CADM2: variants seen among roughly 807,000 people sequenced by gnomAD.
The protein encoded by CADM2 is immunoglobulin superfamily member 4D.
CADM2 carries 12 observed loss-of-function variants against 49.8 expected under a neutral mutation model. That is an observed-to-expected ratio of 0.24 (90% CI 0.15 to 0.39). CADM2 has a LOEUF of 0.39. CADM2 is among the 10% of genes least tolerant of loss of function. The pLI is 1.00. For missense variants in CADM2, 378 were observed against 492.3 expected, an observed-to-expected ratio of 0.77 and a Z score of 2.20; for synonymous variants, 214 against 175.4, an observed-to-expected ratio of 1.22 and a Z score of -1.74.
At chr3:85,462,726 A>G (rs565678075) in intron 1 of CADM2, among the ~76,000 whole-genome samples, 1 of 152,160 alleles carries the variant, frequency 6.6e-6, no homozygotes, top group Non-Finnish European at 1.5e-5. Context: ...CTAAAATACT[A>G]TTTACAATTA....
At chr3:85,526,133 T>C (rs1326257904) in intron 1 of CADM2, among the ~76,000 whole-genome samples, 2 of 136,412 alleles carry the variant, frequency 1.5e-5, no homozygotes, top group Admixed American at 8.2e-5. Flanking sequence ...TTGAAAATTC[T>C]CTCAATATAG....
At chr3:85,319,598 G>A (rs1309387995) in intron 1 of CADM2, among the ~76,000 whole-genome samples, 1 of 151,206 alleles carries the variant, frequency 6.6e-6, no homozygotes, top group Admixed American at 6.6e-5. Context: ...ATAAACCATG[G>A]AATACTATGC....
chr3:85,926,881 A>T (rs1453119412), intron 6 of CADM2, among the ~76,000 whole-genome samples: 1 of 152,176 alleles, frequency 6.6e-6, no homozygotes, highest in Non-Finnish European at 1.5e-5. Flanking sequence ...ATTCTGATGA[A>T]TTTAACAGAA....
At chr3:84,963,740 A>T (rs2030747703) in intron 1 of CADM2, among the ~76,000 whole-genome samples, 1 of 152,196 alleles carries the variant, frequency 6.6e-6, no homozygotes, top group Admixed American at 6.5e-5. Context: ...CATTTTTAGA[A>T]AGCACATTAT....
At chr3:85,834,586 A>C (rs1393457865) in intron 3 of CADM2, among the ~76,000 whole-genome samples, 1 of 151,634 alleles carries the variant, frequency 6.6e-6, no homozygotes, top group Non-Finnish European at 1.5e-5. Context: ...TAATGATATA[A>C]ACACTTGTTA....
At position 85,802,245 on chromosome 3, in the gene CADM2, A is replaced by C. The variant is rs1319710220; in HGVS notation, c.238+49A>C. ...TTTTAATCGTATTCTAAAATATCCTAATTACAATAAATTTATTTTTCTGAG... is the reference window on the plus strand; with the variant it reads ...TTTTAATCGTATTCTAAAATATCCTCATTACAATAAATTTATTTTTCTGAG... On this transcript the variant is annotated intron_variant, in intron 3 of 9. Coordinates refer to ENST00000383699, the MANE Select transcript of CADM2 (RefSeq NM_001167675.2). The C allele has an allele frequency of 2.7e-6, 4 of 1,463,484 alleles. No individual in the cohort carries two copies. The African/African-American group carries it at 5.7e-5, about 21-fold the overall frequency. 90.7% of individuals were successfully genotyped at this position (1,463,484 alleles called of 1,614,324 possible).
chr3:85,850,134 T>C (rs2075038381), intron 3 of CADM2, among the ~76,000 whole-genome samples: 1 of 152,008 alleles, frequency 6.6e-6, no homozygotes, highest in Admixed American at 6.6e-5. Context: ...TGTAAATAAA[T>C]AAGGTTGCTT....
In CADM2 at chr3:85,426,582, AG is replaced by A. The variant is rs1221783963; in HGVS notation, c.62-299939del. Among the ~76,000 whole-genome samples, 20 of 152,286 alleles carry A rather than the reference AG, an allele frequency of 1.3e-4. No homozygotes were observed. In the Middle Eastern group the frequency reaches 0.01, roughly 78 times the overall value. ...GTAATAAAAAATAATCACATAATGG[AG>A]AATAGGGTATCCATCCCCTCAAGCA... On this transcript the variant is annotated intron_variant, in intron 1 of 9. Transcript: ENST00000383699.
intron 1 of CADM2, among the ~76,000 whole-genome samples, chr3:85,638,237 C>A (rs1366960767): frequency 1.3e-5 from 2 of 151,996 alleles, no homozygotes; most frequent in Admixed American, 1.3e-4. Flanking sequence ...ATTTAAACAT[C>A]TATATGAAAT....
chr3:85,257,740 A>T (rs1329043921), intron 1 of CADM2, among the ~76,000 whole-genome samples: 1 of 152,100 alleles, frequency 6.6e-6, no homozygotes, highest in African/African-American at 2.4e-5. Context: ...TATCTCAAGG[A>T]TGTGAATTCA....
At chr3:86,027,016 A>C (rs568138219) in intron 8 of CADM2, among the ~76,000 whole-genome samples, 166 of 152,288 alleles carry the variant, frequency 1.1e-3, no homozygotes, top group Non-Finnish European at 2.0e-3. Context: ...TTAGATTTAT[A>C]ATACTCAAGA....
chr3:85,652,250 T>A (rs1243213173), intron 1 of CADM2, among the ~76,000 whole-genome samples: 1 of 152,144 alleles, frequency 6.6e-6, no homozygotes. Flanking sequence ...AAAAATGATA[T>A]TAATTGGTTG....
At chr3:85,745,281 A>G (rs1428642395) in intron 2 of CADM2, among the ~76,000 whole-genome samples, 2 of 152,190 alleles carry the variant, frequency 1.3e-5, no homozygotes, top group Non-Finnish European at 2.9e-5. Flanking sequence ...AAAAATCTCC[A>G]TGCTTTTAAA....
chr3:85,642,770 A>G (rs946970786), intron 1 of CADM2, among the ~76,000 whole-genome samples: 8 of 152,328 alleles, frequency 5.3e-5, no homozygotes, highest in Non-Finnish European at 1.2e-4. Flanking sequence ...CAGTCAAGCA[A>G]GTTTCAAGTT....
intron 1 of CADM2, among the ~76,000 whole-genome samples, chr3:85,590,505 A>C (rs1432405588): frequency 6.6e-6 from 1 of 152,002 alleles, no homozygotes; most frequent in African/African-American, 2.4e-5. Context: ...GAAGACTTGA[A>C]AGCAAGACTG....
At chr3:85,310,514 G>T (rs2044317338) in intron 1 of CADM2, among the ~76,000 whole-genome samples, 2 of 152,104 alleles carry the variant, frequency 1.3e-5, no homozygotes, top group Non-Finnish European at 2.9e-5. Flanking sequence ...TGCAACCAGG[G>T]TCATGTTCAA....
intron 1 of CADM2, among the ~76,000 whole-genome samples, chr3:85,654,883 T>A (rs1393055944): frequency 6.6e-6 from 1 of 152,164 alleles, no homozygotes; most frequent in Admixed American, 6.5e-5. Flanking sequence ...TGTTAATTGA[T>A]TGATAGCTTT....
chr3:86,061,006 A>T (rs1738573497), intron 8 of CADM2, among the ~76,000 whole-genome samples: 1 of 151,254 alleles, frequency 6.6e-6, no homozygotes, highest in Non-Finnish European at 1.5e-5. Flanking sequence ...TAATAATAAT[A>T]ATAACAGCTT....
chr3:86,050,780 G>A (rs1324821960), intron 8 of CADM2, among the ~76,000 whole-genome samples: 1 of 152,158 alleles, frequency 6.6e-6, no homozygotes, highest in Non-Finnish European at 1.5e-5. Context: ...GAGTGGCTGA[G>A]ATGCAAGGAG....
Sources: allele counts gnomAD v4.1 joint callset (sites outside exome capture counted in the v4.1 genomes callset), GRCh38; gene constraint gnomAD v4.1.1; transcripts MANE v1.5; gene names NCBI Gene and HGNC (gene_info 2026-07-23, HGNC 2026-07-21).